Variants in CDH13 observed in about 807,000 individuals in gnomAD.
The protein encoded by CDH13 is cadherin-13.
CDH13 carries 24 observed loss-of-function variants against 63.8 expected under a neutral mutation model. The observed-to-expected ratio is 0.38, with a 90% CI of 0.27 to 0.53. CDH13 has a LOEUF of 0.53. CDH13 is among the 20% of genes least tolerant of loss of function. The pLI is 0.85. For missense variants in CDH13, 1,049 were observed against 903.1 expected, an observed-to-expected ratio of 1.16 and a Z score of -2.07; for synonymous variants, 503 against 355.3, an observed-to-expected ratio of 1.42 and a Z score of -4.67.
At chr16:83,746,220 C>T (rs1912567881) in intron 10 of CDH13, among the ~76,000 whole-genome samples, 2 of 152,204 alleles carry the variant, frequency 1.3e-5, no homozygotes, top group African/African-American at 4.8e-5. Context: ...GGCAGGGCCA[C>T]GTTCCATCTA....
At chr16:83,786,056 T>A (rs757694172) in intron 13 of CDH13, among the ~76,000 whole-genome samples, 22 of 152,034 alleles carry the variant, frequency 1.4e-4, no homozygotes, top group Non-Finnish European at 2.9e-4. Flanking sequence ...CCTGGCACCA[T>A]CCCTCCTCCA....
intron 5 of CDH13, among the ~76,000 whole-genome samples, chr16:83,343,405 C>T (rs567981749): frequency 5.3e-4 from 81 of 152,230 alleles, no homozygotes; most frequent in African/African-American, 1.9e-3. Flanking sequence ...AGGCAGATGC[C>T]AGTGTAATTT....
At chr16:82,686,997 T>C (rs1915141724) in intron 1 of CDH13, among the ~76,000 whole-genome samples, 1 of 152,222 alleles carries the variant, frequency 6.6e-6, no homozygotes, top group Non-Finnish European at 1.5e-5. Context: ...ATAAAGATTG[T>C]GTATGGGAAA....
intron 7 of CDH13, among the ~76,000 whole-genome samples, chr16:83,550,086 T>A (rs2075462931): frequency 6.6e-6 from 1 of 152,236 alleles, no homozygotes; most frequent in Admixed American, 6.5e-5. Context: ...GGGTGATGAC[T>A]TGTTCTGACT....
At chr16:83,252,642 A>G (rs556250564) in intron 5 of CDH13, among the ~76,000 whole-genome samples, 2 of 152,294 alleles carry the variant, frequency 1.3e-5, no homozygotes, top group South Asian at 2.1e-4. Flanking sequence ...AGCTCAGCAC[A>G]TGGATTAAGG....
At chr16:83,280,856 C>T (rs777623906) in intron 5 of CDH13, among the ~76,000 whole-genome samples, 10 of 152,200 alleles carry the variant, frequency 6.6e-5, no homozygotes, top group Non-Finnish European at 1.2e-4. Context: ...TGTCAATGAG[C>T]AGTAACATTT....
Position 83,225,466 on chromosome 16 carries a change from C to CTG in CDH13, c.636+7971_636+7972dup, listed in dbSNP as rs1597551542. On this transcript the variant is annotated intron_variant, in intron 5 of 13. Coordinates refer to ENST00000567109, the MANE Select transcript of CDH13 (RefSeq NM_001257.5). ...TGCATCCTGCCTAGACTTTGGATGACTGTTAAATGCCATGTTACTGCGTGT... is the reference window on the plus strand; with the variant it reads ...TGCATCCTGCCTAGACTTTGGATGACTGTGTTAAATGCCATGTTACTGCGTGT... Among the ~76,000 whole-genome samples the CTG allele has an allele frequency of 2.0e-5, 3 of 152,302 alleles. No individual in the cohort carries two copies. In the East Asian group the frequency reaches 5.8e-4, roughly 29 times the overall value.
chr16:83,428,053 C>G (rs1259264999), intron 6 of CDH13, among the ~76,000 whole-genome samples: 3 of 152,164 alleles, frequency 2.0e-5, no homozygotes, highest in Non-Finnish European at 4.4e-5. Context: ...GTATATTTCC[C>G]CTTTGCAGAT....
chr16:83,286,437 A>G (rs2089314820), intron 5 of CDH13, among the ~76,000 whole-genome samples: 1 of 152,210 alleles, frequency 6.6e-6, no homozygotes, highest in Admixed American at 6.5e-5. Flanking sequence ...ACAGATGTAC[A>G]AATTTGGGTG....
chr16:83,418,306 A>G (rs543370678), intron 6 of CDH13, among the ~76,000 whole-genome samples: 1 of 152,198 alleles, frequency 6.6e-6, no homozygotes, highest in Admixed American at 6.5e-5. Flanking sequence ...GTACCCAGTA[A>G]CTGTTACCAG....
At chr16:82,890,250 A>G (rs2041032377) in intron 2 of CDH13, among the ~76,000 whole-genome samples, 1 of 152,214 alleles carries the variant, frequency 6.6e-6, no homozygotes. Context: ...GAAATGCTCC[A>G]GGCAGGAGAT....
At chr16:82,924,338 C>T (rs1045852114) in intron 2 of CDH13, among the ~76,000 whole-genome samples, 2 of 151,976 alleles carry the variant, frequency 1.3e-5, no homozygotes, top group African/African-American at 2.4e-5. Context: ...TCCTCCAATT[C>T]GTAAAAGTCA....
At chr16:82,700,893 A>G (rs1477710321) in intron 1 of CDH13, among the ~76,000 whole-genome samples, 1 of 146,552 alleles carries the variant, frequency 6.8e-6, no homozygotes, top group East Asian at 2.2e-4. Context: ...TACAAAGAAA[A>G]GGCCATGTAA....
Position 83,339,287 on chromosome 16 carries a change from A to C in CDH13, c.637-5575A>C, listed in dbSNP as rs148394110. Among the ~76,000 whole-genome samples, 159 of 152,342 alleles carry C rather than the reference A, an allele frequency of 1.0e-3. 1 individual carries two copies. Among genetic ancestry groups the C allele is most frequent in the African/African-American group, 3.6e-3 (151 of 41,580 alleles). On this transcript the variant is annotated intron_variant, in intron 5 of 13. Coordinates refer to ENST00000567109, the MANE Select transcript of CDH13 (RefSeq NM_001257.5). ...CCATCCTCTAGACAATATTTAGAGC[A>C]AAATGATAAACATGCAACTGTATTT...
chr16:83,309,630 C>T (rs1288199574), intron 5 of CDH13, among the ~76,000 whole-genome samples: 1 of 152,226 alleles, frequency 6.6e-6, no homozygotes, highest in East Asian at 1.9e-4. Flanking sequence ...CCACCTTGGC[C>T]TCCCCAAGTG....
At chr16:83,154,746 T>A (rs916276861) in intron 4 of CDH13, among the ~76,000 whole-genome samples, 3 of 152,170 alleles carry the variant, frequency 2.0e-5, no homozygotes, top group Admixed American at 1.3e-4. Context: ...AGAACTAACA[T>A]TATACTGTGT....
intron 3 of CDH13, among the ~76,000 whole-genome samples, chr16:83,052,650 C>T (rs58520088): frequency 7.9e-5 from 12 of 151,668 alleles, no homozygotes; most frequent in East Asian, 1.9e-4. Context: ...CATGGTGGTG[C>T]GCGCCTTTAA....
chr16:82,704,476 T>G (rs1316135784), intron 1 of CDH13, among the ~76,000 whole-genome samples: 3 of 152,184 alleles, frequency 2.0e-5, no homozygotes, highest in Non-Finnish European at 2.9e-5. Flanking sequence ...TGCAAAGATG[T>G]CTGAGGCCCA....
chr16:83,474,595 G>T (rs769514848), intron 6 of CDH13, among the ~76,000 whole-genome samples: 1 of 152,186 alleles, frequency 6.6e-6, no homozygotes, highest in Non-Finnish European at 1.5e-5. Flanking sequence ...AAAACAAGAG[G>T]GTGGGGGAAA....
Sources: allele counts gnomAD v4.1 joint callset (sites outside exome capture counted in the v4.1 genomes callset), GRCh38; gene constraint gnomAD v4.1.1; transcripts MANE v1.5; gene names NCBI Gene and HGNC (gene_info 2026-07-23, HGNC 2026-07-21).